The following UGT2A2 variants were observed in gnomAD, a reference collection of about 807,000 sequenced individuals.
The protein encoded by UGT2A2 is UDP-glucuronosyltransferase 2A2.
UGT2A2 carries 60 observed loss-of-function variants against 50.7 expected under a neutral mutation model. The ratio of observed to expected loss-of-function variants is 1.18; its 90% confidence interval spans 0.96 to 1.47. The LOEUF is 1.47. UGT2A2 is among the 40% of genes most tolerant of loss of function. The pLI is 0.00. For missense variants in UGT2A2, 762 were observed against 634.0 expected (o/e 1.20, Z -2.17); for synonymous variants, 242 against 214.6 (o/e 1.13, Z -1.11).
At chr4:69,609,604 C>T (rs970944793) in intron 1 of UGT2A2, among the ~76,000 whole-genome samples, 2 of 152,126 alleles carry the variant, frequency 1.3e-5, no homozygotes, top group Non-Finnish European at 2.9e-5. Flanking sequence ...ATATAACACC[C>T]TACTCGTGAA....
intron 5 of UGT2A2, among the ~76,000 whole-genome samples, chr4:69,590,482 T>C (rs963721688): frequency 1.3e-5 from 2 of 152,176 alleles, no homozygotes; most frequent in Non-Finnish European, 2.9e-5. Context: ...AGTTCCAGCC[T>C]GGATTCATGA....
intron 1 of UGT2A2, among the ~76,000 whole-genome samples, chr4:69,627,057 G>A (rs1050854173): frequency 1.3e-5 from 2 of 151,666 alleles, no homozygotes; most frequent in African/African-American, 2.4e-5. Context: ...GTATATTATA[G>A]GTATATTCAT....
intron 1 of UGT2A2, among the ~76,000 whole-genome samples, chr4:69,634,663 AATAAT>A (rs1721578693): frequency 6.6e-6 from 1 of 152,176 alleles, no homozygotes. Context: ...CAAAGAGAAG[AATAAT>A]ATAATAATTT....
chr4:69,637,937 A>G (rs1407146786), intron 1 of UGT2A2, among the ~76,000 whole-genome samples: 2 of 151,364 alleles, frequency 1.3e-5, no homozygotes, highest in Non-Finnish European at 3.0e-5. Context: ...GCAGGAAGGA[A>G]GGAAGGAAAG....
Position 69,639,312 on chromosome 4 carries a change from G to T in UGT2A2, c.329C>A (p.Pro110His). The T allele has an allele frequency of 6.2e-7, 1 of 1,613,712 alleles. No homozygotes were observed. Among genetic ancestry groups the T allele is most frequent in the Non-Finnish European group, 8.5e-7 (1 of 1,179,728 alleles). ...IMLWIDHRPT[P>H]LTIWAFYKEL... is the part of the protein sequence containing the mutation. ...TTTGTAGAAAGCCCATATTGTGAGA[G>T]GAGTTGGTCTATGGTCAATCCACAG... Residue 110 changes from proline (P) to histidine (H), a missense_variant, in exon 1 of 6, where the codon CCT becomes CAT. Coordinates refer to ENST00000604629, the MANE Select transcript of UGT2A2 (RefSeq NM_001105677.2).
chr4:69,596,586 G>C (rs868577207), intron 2 of UGT2A2, among the ~76,000 whole-genome samples: 1 of 152,082 alleles, frequency 6.6e-6, no homozygotes, highest in African/African-American at 2.4e-5. Context: ...GCAGTGGCAT[G>C]ATCTCTGCTC....
chr4:69,636,041 G>A (rs980735474), intron 1 of UGT2A2, among the ~76,000 whole-genome samples: 2 of 152,020 alleles, frequency 1.3e-5, no homozygotes, highest in Non-Finnish European at 2.9e-5. Flanking sequence ...CATTTCATCT[G>A]TAAGATTTAA....
intron 1 of UGT2A2, among the ~76,000 whole-genome samples, chr4:69,621,389 A>T (rs1215021210): frequency 5.9e-5 from 9 of 152,058 alleles, no homozygotes; most frequent in Admixed American, 5.9e-4. Context: ...CAAGTATATT[A>T]AAAAGCTAAA....
chr4:69,589,850 C>A (rs1168076115), intron 5 of UGT2A2, among the ~76,000 whole-genome samples, 199 bp from the exon 6 acceptor site: 1 of 152,068 alleles, frequency 6.6e-6, no homozygotes, highest in Non-Finnish European at 1.5e-5. Context: ...ATATGCTTAA[C>A]ACAGTATGAT....
At chr4:69,592,808 C>A (rs1560465469) in intron 5 of UGT2A2, among the ~76,000 whole-genome samples, 2 of 151,276 alleles carry the variant, frequency 1.3e-5, no homozygotes, top group Non-Finnish European at 3.0e-5. Context: ...AGAAATAATA[C>A]AAAAAAAATT....
At chr4:69,615,932 G>C (rs565532087) in intron 1 of UGT2A2, among the ~76,000 whole-genome samples, 6 of 152,114 alleles carry the variant, frequency 3.9e-5, no homozygotes, top group Non-Finnish European at 7.4e-5. Flanking sequence ...AAAGGAATCA[G>C]TATATCAAAG....
intron 1 of UGT2A2, among the ~76,000 whole-genome samples, chr4:69,631,704 A>T (rs1181234264): frequency 6.6e-6 from 1 of 152,166 alleles, no homozygotes; most frequent in Non-Finnish European, 1.5e-5. Flanking sequence ...CCCAGCTGAC[A>T]ACCTGAAAAA....
Position 69,639,142 on chromosome 4 carries a change from G to A in UGT2A2, c.499C>T (p.Leu167Phe). The change falls in exon 1 of 6, where the codon CTT becomes TTT. Residue 167 changes from leucine (L) to phenylalanine (F), a missense_variant. Coordinates refer to ENST00000604629, the MANE Select transcript of UGT2A2 (RefSeq NM_001105677.2). ...GGAATTCCTAATTTCAGAGCAACAA[G>A]ATCACCACAGATTGTTACTGGGTCT... is the stretch of plus-strand genomic sequence containing the variant. ...VADPVTICGDLVALKLGIPFM... is the reference protein window; with the variant it reads ...VADPVTICGDFVALKLGIPFM... The A allele has an allele frequency of 6.2e-7, 1 of 1,613,626 alleles. No individual in the cohort carries two copies. Among genetic ancestry groups the A allele is most frequent in the South Asian group, 1.1e-5 (1 of 91,036 alleles).
At position 69,589,484 on chromosome 4, in the gene UGT2A2, A is replaced by T. The variant is rs746421171; in HGVS notation, c.1499T>A (p.Val500Glu). ...CACACAGACCAGCAAGAACCCAATT[A>T]CATCCAAAGAGTGGTACTGGAACCA... ...LTWFQYHSLD[V>E]IGFLLVCVTT... The change falls in exon 6 of 6, where the codon GTA (valine) becomes GAA (glutamate). Residue 500 changes from valine (V) to glutamate (E), a missense_variant. Coordinates refer to ENST00000604629, the MANE Select transcript of UGT2A2 (RefSeq NM_001105677.2). The T allele has an allele frequency of 5.0e-6, 8 of 1,614,148 alleles. No individual in the cohort carries two copies. The highest frequency in any genetic ancestry group is 6.8e-6 in the Non-Finnish European group (8 of 1,180,018).
At chr4:69,592,840 G>T (rs1324197901) in intron 5 of UGT2A2, among the ~76,000 whole-genome samples, 1 of 152,000 alleles carries the variant, frequency 6.6e-6, no homozygotes, top group Non-Finnish European at 1.5e-5. Flanking sequence ...AGAAAAACTG[G>T]ATAATTTTTT....
chr4:69,601,614 G>C (rs1577954011), intron 1 of UGT2A2, among the ~76,000 whole-genome samples: 1 of 152,196 alleles, frequency 6.6e-6, no homozygotes, highest in Middle Eastern at 3.4e-3. Flanking sequence ...TCCTGAGTTT[G>C]TCCACATGCC....
intron 1 of UGT2A2, among the ~76,000 whole-genome samples, chr4:69,636,837 A>G (rs1721737748): frequency 6.6e-6 from 1 of 152,134 alleles, no homozygotes; most frequent in South Asian, 2.1e-4. Context: ...ATATAGTGAA[A>G]TTTTTAACCC....
At chr4:69,614,695 AG>A (rs1207658500) in intron 1 of UGT2A2, among the ~76,000 whole-genome samples, 2 of 152,098 alleles carry the variant, frequency 1.3e-5, no homozygotes, top group Admixed American at 1.3e-4. Context: ...CTTTCAACAA[AG>A]CTGCCAAATA....
intron 1 of UGT2A2, among the ~76,000 whole-genome samples, chr4:69,632,670 A>T (rs1721451916): frequency 6.6e-6 from 1 of 152,086 alleles, no homozygotes; most frequent in South Asian, 2.1e-4. Flanking sequence ...CGGGCAGATC[A>T]CAAAGTCAAG....
Sources: gnomAD v4.1 joint callset for allele counts (sites outside exome capture counted in the v4.1 genomes callset) on GRCh38, gnomAD v4.1.1 for gene constraint, MANE v1.5 for transcripts, NCBI Gene and HGNC (gene_info 2026-07-23, HGNC 2026-07-21) for gene names.